Variants in RPS6KC1 observed in about 807,000 individuals in gnomAD.
The protein encoded by RPS6KC1 is ribosomal protein S6 kinase C1.
In RPS6KC1, 54 loss-of-function variants were observed where a neutral mutation model predicts 103.8. The observed-to-expected ratio is 0.52, with a 90% confidence interval of 0.42 to 0.65. The LOEUF (loss-of-function observed/expected upper bound fraction) is 0.65, where lower values mean the gene tolerates loss of function less well. Among genes scored for constraint, RPS6KC1 ranks in the 30% least tolerant of loss-of-function variants. The probability of loss-of-function intolerance (pLI) is 0.00; values close to 1 mark genes in which losing one functional copy is unlikely to be tolerated. For synonymous variants in RPS6KC1, 439 were observed against 438.7 expected (o/e 1.00, Z -0.01); for missense variants, 1,151 against 1,253.8 (o/e 0.92, Z 1.24).
chr1:213,776,622 G>C, the RPS6KC1 span, among the ~76,000 whole-genome samples: 1 of 152,218 alleles, frequency 6.6e-6, no homozygotes, highest in East Asian at 1.9e-4. Flanking sequence ...CATTTTTAAG[G>C]GCCCTAGAAT....
intron 3 of RPS6KC1, among the ~76,000 whole-genome samples, chr1:213,096,671 A>G (rs1321025165): frequency 6.6e-6 from 1 of 152,058 alleles, no homozygotes; most frequent in Non-Finnish European, 1.5e-5. Flanking sequence ...TATCAAAGAA[A>G]AAAAAAAAAG....
At chr1:213,696,686 C>A in the RPS6KC1 span, among the ~76,000 whole-genome samples, 16 of 152,146 alleles carry the variant, frequency 1.1e-4, no homozygotes, top group East Asian at 7.7e-4. Context: ...TGATCATCAT[C>A]AATGGCTACC....
chr1:213,531,052 A>C, the RPS6KC1 span, among the ~76,000 whole-genome samples: 2 of 152,154 alleles, frequency 1.3e-5, no homozygotes, highest in Admixed American at 6.5e-5. Context: ...AGAATGAAGG[A>C]ATAGGAAGAC....
chr1:213,562,359 G>GTTTTATTTTTTTTTTTT, the RPS6KC1 span, among the ~76,000 whole-genome samples: 1 of 36,278 alleles, frequency 2.8e-5, no homozygotes, highest in African/African-American at 1.2e-4. Context: ...GAAAAGTTCT[G>GTTTTATTTTTTTTTTTT]TTTTTTTTTT....
chr1:213,103,876 A>G (rs1352878048), intron 3 of RPS6KC1, among the ~76,000 whole-genome samples: 1 of 152,210 alleles, frequency 6.6e-6, no homozygotes, highest in East Asian at 1.9e-4. Context: ...ATCACCTTGT[A>G]AAGCAGAACT....
At chr1:213,196,375 C>T (rs957859418) in intron 8 of RPS6KC1, among the ~76,000 whole-genome samples, 6 of 151,958 alleles carry the variant, frequency 3.9e-5, no homozygotes, top group East Asian at 1.9e-4. Context: ...GTAGATTCTC[C>T]GTATTAGTCC....
At chr1:213,063,599 T>C (rs1454082661) in intron 1 of RPS6KC1, among the ~76,000 whole-genome samples, 1 of 152,240 alleles carries the variant, frequency 6.6e-6, no homozygotes, top group Non-Finnish European at 1.5e-5. Context: ...TCTCTAGTGC[T>C]TCAGATTTTA....
chr1:213,657,780 T>A, the RPS6KC1 span, among the ~76,000 whole-genome samples: 2 of 152,222 alleles, frequency 1.3e-5, no homozygotes, highest in Non-Finnish European at 2.9e-5. Context: ...ACTAGAGTCA[T>A]CTTCTTAATT....
chr1:213,488,683 A>C, the RPS6KC1 span, among the ~76,000 whole-genome samples: 482 of 152,362 alleles, frequency 3.2e-3, 2 homozygotes, highest in African/African-American at 0.011. Context: ...AACTCTAAGA[A>C]TATTTCATTT....
chr1:213,414,185 C>T, the RPS6KC1 span, among the ~76,000 whole-genome samples: 1 of 152,158 alleles, frequency 6.6e-6, no homozygotes. Context: ...CTTTCACTCC[C>T]AAGAAACTTT....
At chr1:213,126,358 T>G (rs1248875702) in intron 5 of RPS6KC1, among the ~76,000 whole-genome samples, 2 of 152,110 alleles carry the variant, frequency 1.3e-5, no homozygotes, top group East Asian at 1.9e-4. Flanking sequence ...TGAATCTCAT[T>G]TGAGATTGTC....
At chr1:213,201,545 A>G (rs2093163736) in intron 8 of RPS6KC1, among the ~76,000 whole-genome samples, 1 of 152,220 alleles carries the variant, frequency 6.6e-6, no homozygotes, top group African/African-American at 2.4e-5. Flanking sequence ...TCTATAGAAC[A>G]TACTACAGCA....
chr1:213,406,419 G>T, the RPS6KC1 span, among the ~76,000 whole-genome samples: 4 of 151,752 alleles, frequency 2.6e-5, no homozygotes, highest in African/African-American at 9.7e-5. Flanking sequence ...ATACTTTATA[G>T]AACTGGGAGG....
chr1:213,431,844 G>C, the RPS6KC1 span, among the ~76,000 whole-genome samples: 1 of 152,112 alleles, frequency 6.6e-6, no homozygotes, highest in Non-Finnish European at 1.5e-5. Flanking sequence ...CTGATTTATA[G>C]GGACTATCTA....
chr1:213,663,476 C>T, the RPS6KC1 span, among the ~76,000 whole-genome samples: 1 of 152,214 alleles, frequency 6.6e-6, no homozygotes, highest in Non-Finnish European at 1.5e-5. Flanking sequence ...CAGTTTCTCT[C>T]TCTACATCTA....
intron 8 of RPS6KC1, among the ~76,000 whole-genome samples, chr1:213,213,228 A>G (rs769569473): frequency 6.6e-6 from 1 of 152,156 alleles, no homozygotes; most frequent in African/African-American, 2.4e-5. Context: ...TCTATGATCC[A>G]TTTTGTTAAT....
At chr1:213,176,750 T>A (rs1201750505) in intron 8 of RPS6KC1, 4 of 268,522 alleles carry the variant, frequency 1.5e-5, no homozygotes, top group Non-Finnish European at 1.5e-5. Context: ...TTTGGTTTTA[T>A]AGAAGTGTTA....
chr1:213,602,694 C>G, the RPS6KC1 span, among the ~76,000 whole-genome samples: 1 of 152,162 alleles, frequency 6.6e-6, no homozygotes, highest in African/African-American at 2.4e-5. Context: ...AGGCTCAGAT[C>G]AAAGTTAAGG....
At chr1:213,830,672 TAAAAAAAA>T in the RPS6KC1 span, among the ~76,000 whole-genome samples, 4 of 127,740 alleles carry the variant, frequency 3.1e-5, no homozygotes, top group African/African-American at 1.2e-4. Flanking sequence ...TCACATTCTT[TAAAAAAAA>T]AAAAAAAAAA....
Sources: allele counts gnomAD v4.1 joint callset (sites outside exome capture counted in the v4.1 genomes callset), GRCh38; gene constraint gnomAD v4.1.1; transcripts MANE v1.5; gene names NCBI Gene and HGNC (gene_info 2026-07-23, HGNC 2026-07-21).